The following ANO4 variants were observed in gnomAD, a reference collection of about 807,000 sequenced individuals.
The protein encoded by ANO4 is anoctamin-4.
A neutral mutation model predicts 141.9 loss-of-function variants in ANO4; 69 were observed. The observed-to-expected ratio is 0.49, with a 90% CI of 0.40 to 0.59. The LOEUF (loss-of-function observed/expected upper bound fraction) is 0.59, where lower values mean the gene tolerates loss of function less well. Ranked by LOEUF, ANO4 falls within the 20% of genes least tolerant of loss-of-function variation. The pLI is 0.00. For synonymous variants in ANO4, 350 were observed against 394.3 expected (o/e 0.89, Z 1.33); for missense variants, 894 against 1,162.2 (o/e 0.77, Z 3.36).
chr12:100,848,263 T>C (rs1408174661), intron 1 of ANO4, among the ~76,000 whole-genome samples: 2 of 152,164 alleles, frequency 1.3e-5, no homozygotes, highest in Admixed American at 1.3e-4. Context: ...ACCAACTTTC[T>C]TCTATACTCA....
chr12:100,910,054 TA>T, intron 2 of ANO4, among the ~76,000 whole-genome samples: 1 of 152,134 alleles, frequency 6.6e-6, no homozygotes, highest in Non-Finnish European at 1.5e-5. Flanking sequence ...ACACACATAA[TA>T]AAAAATTATA....
At chr12:100,859,709 C>T (rs1426755923) in intron 1 of ANO4, among the ~76,000 whole-genome samples, 1 of 152,114 alleles carries the variant, frequency 6.6e-6, no homozygotes, top group African/African-American at 2.4e-5. Flanking sequence ...AATAGATCTG[C>T]CACTGCTTCA....
intron 5 of ANO4, among the ~76,000 whole-genome samples, chr12:100,945,004 T>A (rs964220569): frequency 1.6e-4 from 24 of 152,174 alleles, no homozygotes; most frequent in African/African-American, 5.5e-4. Flanking sequence ...TAATTCAACC[T>A]TTTATAGGAC....
chr12:100,858,301 A>T (rs1381747563), intron 1 of ANO4, among the ~76,000 whole-genome samples: 4 of 151,776 alleles, frequency 2.6e-5, no homozygotes, highest in Non-Finnish European at 5.9e-5. Context: ...TACTGTAAAA[A>T]ACTTTAACAC....
At chr12:100,983,102 T>C (rs1592921845) in intron 7 of ANO4, among the ~76,000 whole-genome samples, 1 of 152,108 alleles carries the variant, frequency 6.6e-6, no homozygotes, top group East Asian at 1.9e-4. Context: ...TGTGGCAAAG[T>C]TTGGAGACAG....
intron 5 of ANO4, among the ~76,000 whole-genome samples, chr12:100,966,845 AC>A: frequency 7.0e-6 from 1 of 142,040 alleles, no homozygotes; most frequent in African/African-American, 3.0e-5. Flanking sequence ...ATATACACAC[AC>A]ACATATACAC....
intron 8 of ANO4, 111 bp from the exon 9 acceptor site, chr12:101,019,923 G>T (rs1052203559): frequency 1.7e-5 from 14 of 808,540 alleles, no homozygotes; most frequent in Non-Finnish European, 2.3e-5. Flanking sequence ...GACACACCCT[G>T]TCTATGACTG....
chr12:101,086,760 C>G lies in ANO4; in HGVS notation c.1637C>G (p.Ser546Cys). Residue 546 changes from serine (S) to cysteine (C), a missense_variant, in exon 17 of 28, where the codon TCT (serine) becomes TGT (cysteine). By Grantham distance (112) the Ser-to-Cys change is moderately radical (BLOSUM62 -1). Around this residue, in one of 2 missense-constraint regions of ANO4, gnomAD observed 637 missense variants for 909.2 expected, o/e 0.70. Coordinates refer to ENST00000392977, the MANE Select transcript of ANO4 (RefSeq NM_001286615.2). ...AFKWALIRNN[S>C]QVATTGTAVC... ...AAGTGGGCGTTAATCAGGAATAACT[C>G]TCAGGTTGCAACCACAGGGACTGCT... The G allele has an allele frequency of 6.2e-7, 1 of 1,613,872 alleles. No homozygotes were observed. The highest frequency in any genetic ancestry group is 8.5e-7 in the Non-Finnish European group (1 of 1,179,822).
At chr12:100,996,743 GGAGATTCTCT>G (rs1228187753) in intron 8 of ANO4, among the ~76,000 whole-genome samples, 6 of 152,114 alleles carry the variant, frequency 3.9e-5, no homozygotes, top group Non-Finnish European at 7.4e-5. Context: ...ACAGTGAGTG[GGAGATTCTCT>G]GAGATTCTCT....
intron 1 of ANO4, among the ~76,000 whole-genome samples, chr12:100,724,548 A>G (rs1226651580): frequency 2.0e-5 from 3 of 152,332 alleles, no homozygotes; most frequent in Middle Eastern, 3.4e-3. Flanking sequence ...GAAAACAGCA[A>G]TACTGTCTTT....
intron 14 of ANO4, among the ~76,000 whole-genome samples, chr12:101,059,750 G>T (rs1190627810): frequency 6.6e-6 from 1 of 151,930 alleles, no homozygotes; most frequent in Non-Finnish European, 1.5e-5. Context: ...TTTTTATTGT[G>T]CCTATTTGAT....
At chr12:100,834,124 CAGG>C (rs1449501569) in intron 1 of ANO4, among the ~76,000 whole-genome samples, 3 of 152,124 alleles carry the variant, frequency 2.0e-5, no homozygotes, top group African/African-American at 7.2e-5. Context: ...AGTCTCATAA[CAGG>C]AGCAGTTGTT....
rs2046359412 is a variant in ANO4, at chr12:101,017,520, A to T, written c.735-2514A>T. On this transcript the variant is annotated intron_variant, in intron 8 of 27. Transcript: ENST00000392977. Reference sequence around the variant, plus strand: ...TGGCCTGAGCTGAGATTTGGAAACAAATGAATAAAAACCTGGAAACAAGAG... The same window carrying T: ...TGGCCTGAGCTGAGATTTGGAAACATATGAATAAAAACCTGGAAACAAGAG... Among the ~76,000 whole-genome samples the T allele has an allele frequency of 4.0e-5, 6 of 151,412 alleles. No homozygotes were observed. In the South Asian group the frequency reaches 1.3e-3, roughly 32 times the overall value.
chr12:100,886,478 C>T (rs754078341), intron 1 of ANO4, among the ~76,000 whole-genome samples: 2 of 152,144 alleles, frequency 1.3e-5, no homozygotes, highest in Non-Finnish European at 2.9e-5. Flanking sequence ...TTCTTTCATA[C>T]CTGAACCTTC....
chr12:101,115,997 G>T (rs1308637860), intron 24 of ANO4, among the ~76,000 whole-genome samples: 1 of 152,158 alleles, frequency 6.6e-6, no homozygotes, highest in Admixed American at 6.5e-5. Context: ...TAGTACAAGC[G>T]ATCTGGTAAT....
chr12:101,096,509 C>T, intron 18 of ANO4, 27 bp from the exon 19 acceptor site: 1 of 1,570,558 alleles, frequency 6.4e-7, no homozygotes. Context: ...TTCAGCCTTT[C>T]AAACTCTGCT....
chr12:101,115,310 G>A (rs1394162166), intron 24 of ANO4, among the ~76,000 whole-genome samples: 2 of 152,136 alleles, frequency 1.3e-5, no homozygotes, highest in East Asian at 1.9e-4. Context: ...TACGTAAATC[G>A]GGTGTGGTGA....
intron 26 of ANO4, among the ~76,000 whole-genome samples, chr12:101,125,917 G>A (rs1433379083): frequency 6.6e-6 from 1 of 152,088 alleles, no homozygotes; most frequent in Admixed American, 6.6e-5. Flanking sequence ...GAGTTAAGGA[G>A]GAGTCCCTCC....
chr12:100,942,888 C>T (rs1429551419), intron 5 of ANO4, among the ~76,000 whole-genome samples: 1 of 152,212 alleles, frequency 6.6e-6, no homozygotes, highest in Non-Finnish European at 1.5e-5. Flanking sequence ...GAAATCCAGT[C>T]ACTCTCTCTA....
Sources: gnomAD v4.1 joint callset for allele counts (sites outside exome capture counted in the v4.1 genomes callset) on GRCh38, gnomAD v4.1.1 for gene constraint, gnomAD v4.1.1 regional missense constraint, MANE v1.5 for transcripts, NCBI Gene and HGNC (gene_info 2026-07-23, HGNC 2026-07-21) for gene names.